Variants in CDH8 observed in about 807,000 individuals in gnomAD.
CDH8 encodes cadherin 8.
Under a neutral mutation model 68.1 loss-of-function variants are expected in CDH8, and 17 were observed. The observed-to-expected ratio is 0.25, with a 90% CI of 0.17 to 0.37. The LOEUF is 0.37. Ranked by LOEUF, CDH8 falls within the 10% of genes least tolerant of loss-of-function variation. The pLI is 1.00. For synonymous variants in CDH8, 372 were observed against 365.1 expected, an observed-to-expected ratio of 1.02 and a Z score of -0.21; for missense variants, 763 against 999.3, an observed-to-expected ratio of 0.76 and a Z score of 3.19.
intron 10 of CDH8, among the ~76,000 whole-genome samples, chr16:61,697,490 G>A (rs577001387): frequency 3.9e-5 from 5 of 127,386 alleles, no homozygotes; most frequent in African/African-American, 1.8e-4. Flanking sequence ...TACACTTTTG[G>A]AGAGTTATTT....
intron 9 of CDH8, among the ~76,000 whole-genome samples, chr16:61,720,834 C>G (rs1040338871): frequency 6.6e-6 from 1 of 150,538 alleles, no homozygotes; most frequent in Non-Finnish European, 1.5e-5. Flanking sequence ...TTTAAGCCAC[C>G]TCATAAACAT....
At chr16:61,773,832 G>A (rs566625878) in intron 8 of CDH8, among the ~76,000 whole-genome samples, 23 of 152,200 alleles carry the variant, frequency 1.5e-4, no homozygotes, top group African/African-American at 5.5e-4. Flanking sequence ...TATGTGAGGT[G>A]AGTCCTTGTC....
intron 8 of CDH8, among the ~76,000 whole-genome samples, chr16:61,781,905 C>T (rs888226454): frequency 1.2e-4 from 18 of 152,154 alleles, no homozygotes; most frequent in Non-Finnish European, 2.6e-4. Context: ...GGAGAAACTG[C>T]CGTGATGGTA....
At chr16:61,659,828 G>T (rs1377447417) in intron 10 of CDH8, among the ~76,000 whole-genome samples, 6 of 152,114 alleles carry the variant, frequency 3.9e-5, no homozygotes, top group Admixed American at 2.6e-4. Flanking sequence ...GAGCCCACTT[G>T]GGTCAGAACT....
chr16:61,796,562 T>G (rs997713514), intron 7 of CDH8, among the ~76,000 whole-genome samples: 1 of 152,102 alleles, frequency 6.6e-6, no homozygotes, highest in African/African-American at 2.4e-5. Flanking sequence ...GCAATAGATA[T>G]AGTTTAGAAA....
chr16:61,862,492 G>A (rs1056594755), intron 3 of CDH8, among the ~76,000 whole-genome samples: 6 of 152,118 alleles, frequency 3.9e-5, no homozygotes, highest in African/African-American at 1.2e-4. Flanking sequence ...TCTGCCTGAT[G>A]TCTGGCTTCC....
intron 2 of CDH8, among the ~76,000 whole-genome samples, chr16:61,913,871 T>C (rs1280225565): frequency 1.3e-5 from 2 of 152,158 alleles, no homozygotes; most frequent in Admixed American, 1.3e-4. Flanking sequence ...ACAAAAATAA[T>C]CATTTCAAGC....
chr16:61,773,672 C>G (rs1207059840), intron 8 of CDH8, among the ~76,000 whole-genome samples: 1 of 152,088 alleles, frequency 6.6e-6, no homozygotes, highest in Non-Finnish European at 1.5e-5. Flanking sequence ...GAGATCTACA[C>G]AGTGCCTGGC....
chr16:61,817,294 T>C (rs1411043788), intron 7 of CDH8, among the ~76,000 whole-genome samples, 185 bp downstream of exon 7: 1 of 145,878 alleles, frequency 6.9e-6, no homozygotes, highest in Non-Finnish European at 1.5e-5. Context: ...TTAGTAGGCA[T>C]ACGTGTGCGT....
intron 2 of CDH8, among the ~76,000 whole-genome samples, chr16:61,931,933 C>T (rs1045741866): frequency 2.6e-5 from 4 of 152,164 alleles, no homozygotes; most frequent in African/African-American, 4.8e-5. Flanking sequence ...ACAGGCTGGG[C>T]GCTATGGCTC....
chr16:61,698,212 G>C (rs538519192), intron 10 of CDH8, among the ~76,000 whole-genome samples: 1 of 152,110 alleles, frequency 6.6e-6, no homozygotes, highest in Non-Finnish European at 1.5e-5. Flanking sequence ...ATAATTATTT[G>C]TGTTTTTTTA....
intron 2 of CDH8, among the ~76,000 whole-genome samples, chr16:61,971,096 G>C (rs910040709): frequency 1.3e-5 from 2 of 151,882 alleles, no homozygotes; most frequent in Admixed American, 6.6e-5. Flanking sequence ...GATCCACCCT[G>C]CCCGCAAAAC....
At chr16:61,948,475 A>C (rs958985379) in intron 2 of CDH8, among the ~76,000 whole-genome samples, 3 of 152,146 alleles carry the variant, frequency 2.0e-5, no homozygotes, top group Non-Finnish European at 4.4e-5. Flanking sequence ...CTGTCCCCCA[A>C]AGGTTATCTA....
At chr16:61,674,665 C>T (rs1335355395) in intron 10 of CDH8, among the ~76,000 whole-genome samples, 1 of 151,398 alleles carries the variant, frequency 6.6e-6, no homozygotes, top group Non-Finnish European at 1.5e-5. Context: ...CAATAGAAAC[C>T]AATATAGAAA....
intron 10 of CDH8, among the ~76,000 whole-genome samples, chr16:61,705,218 C>T (rs574204962): frequency 1.2e-4 from 19 of 152,264 alleles, no homozygotes; most frequent in Admixed American, 3.3e-4. Context: ...CCCAGTGTCA[C>T]GGCCAGAGAT....
At chr16:61,952,813 T>C (rs77596931) in intron 2 of CDH8, among the ~76,000 whole-genome samples, 195 of 152,152 alleles carry the variant, frequency 1.3e-3, no homozygotes, top group African/African-American at 4.6e-3. Flanking sequence ...AATCAAATTA[T>C]ATCCCCTCTA....
intron 8 of CDH8, among the ~76,000 whole-genome samples, chr16:61,730,530 T>C (rs1023461660): frequency 8.6e-5 from 13 of 151,556 alleles, no homozygotes; most frequent in Non-Finnish European, 1.5e-4. Context: ...TAGTTTATAG[T>C]TCGGTGAGAA....
At chr16:61,796,562 T>C (rs997713514) in intron 7 of CDH8, among the ~76,000 whole-genome samples, 2 of 152,220 alleles carry the variant, frequency 1.3e-5, no homozygotes, top group Non-Finnish European at 1.5e-5. Context: ...GCAATAGATA[T>C]AGTTTAGAAA....
intron 2 of CDH8, among the ~76,000 whole-genome samples, chr16:61,923,378 T>C (rs763208293): frequency 6.6e-6 from 1 of 152,166 alleles, no homozygotes; most frequent in Non-Finnish European, 1.5e-5. Context: ...CACTCAATCT[T>C]TTTAGTCCTC....
Sources: gnomAD v4.1 joint callset for allele counts (sites outside exome capture counted in the v4.1 genomes callset) on GRCh38, gnomAD v4.1.1 for gene constraint, MANE v1.5 for transcripts, NCBI Gene and HGNC (gene_info 2026-07-23, HGNC 2026-07-21) for gene names.